ATF6: variants seen among roughly 807,000 people sequenced by gnomAD.
ATF6 encodes the protein activating transcription factor 6, also known as cyclic AMP-dependent transcription factor ATF-6 alpha.
A neutral mutation model predicts 83.6 loss-of-function variants in ATF6; 53 were observed. The ratio of observed to expected loss-of-function variants is 0.63; its 90% CI spans 0.51 to 0.80. The LOEUF (loss-of-function observed/expected upper bound fraction) is 0.80. Among genes scored for constraint, ATF6 ranks in the 30% least tolerant of loss-of-function variants. ATF6 has a pLI of 0.00. For synonymous variants in ATF6, 288 were observed against 285.8 expected (o/e 1.01, Z -0.08); for missense variants, 744 against 797.9 (o/e 0.93, Z 0.81).
intron 14 of ATF6, among the ~76,000 whole-genome samples, chr1:161,901,989 T>A (rs1687795654): frequency 6.6e-6 from 1 of 152,192 alleles, no homozygotes; most frequent in Non-Finnish European, 1.5e-5. Context: ...ATCACATTCA[T>A]TAATATCACC....
intron 2 of ATF6, among the ~76,000 whole-genome samples, chr1:161,780,783 C>T (rs1023185817): frequency 2.0e-5 from 3 of 152,140 alleles, no homozygotes; most frequent in Admixed American, 6.5e-5. Flanking sequence ...GATCTTGGCT[C>T]ATTGCAGCCT....
intron 8 of ATF6, 68 bp downstream of exon 8, chr1:161,819,886 C>T: frequency 7.6e-7 from 1 of 1,319,896 alleles, no homozygotes. Flanking sequence ...AATAGAGAAA[C>T]TTTTACATTT....
intron 9 of ATF6, among the ~76,000 whole-genome samples, chr1:161,826,388 A>G (rs1230196376): frequency 3.9e-5 from 6 of 152,200 alleles, no homozygotes; most frequent in Non-Finnish European, 8.8e-5. Context: ...TCTCATTTCC[A>G]TGGTAGATTG....
At chr1:161,878,115 C>T (rs1232111880) in intron 14 of ATF6, among the ~76,000 whole-genome samples, 1 of 151,876 alleles carries the variant, frequency 6.6e-6, no homozygotes, top group Non-Finnish European at 1.5e-5. Context: ...AGCTCATACA[C>T]ATTTATTTAT....
chr1:161,881,640 T>C (rs1039945531), intron 14 of ATF6, among the ~76,000 whole-genome samples: 2 of 152,178 alleles, frequency 1.3e-5, no homozygotes, highest in Admixed American at 6.6e-5. Flanking sequence ...TTCAGCAATC[T>C]GGAAGCTTTG....
At position 161,782,083 on chromosome 1, in the gene ATF6, A is replaced by G. The variant is rs144808590; in HGVS notation, c.247+84A>G. 3.4e-5 allele frequency: 31 copies of G among 901,022 alleles called. No homozygotes were observed. The East Asian group carries it at 5.2e-4, about 15-fold the overall frequency. 55.8% of individuals were successfully genotyped at this position (901,022 alleles called of 1,614,324 possible). ...GTCATACTCAAAATTAGGTGGGGTT[A>G]TTGGGCTATTCTGGTAGGTTAAAAG... On this transcript the variant is annotated intron_variant, in intron 3 of 15. Transcript: ENST00000367942.
At chr1:161,833,655 A>G (rs529805075) in intron 9 of ATF6, among the ~76,000 whole-genome samples, 5 of 152,356 alleles carry the variant, frequency 3.3e-5, no homozygotes, top group Admixed American at 6.5e-5. Flanking sequence ...AAAGGGTATC[A>G]GCGATGGAAG....
chr1:161,861,388 CA>C (rs1412910782), intron 13 of ATF6, among the ~76,000 whole-genome samples: 3 of 152,130 alleles, frequency 2.0e-5, no homozygotes, highest in Non-Finnish European at 4.4e-5. Context: ...TGACAATGAG[CA>C]GCATATCAGC....
intron 9 of ATF6, among the ~76,000 whole-genome samples, chr1:161,825,319 G>T (rs1374934292): frequency 1.1e-4 from 17 of 152,178 alleles, no homozygotes; most frequent in Admixed American, 1.1e-3. Context: ...TGGGATTACA[G>T]GTGTGAGCCA....
intron 14 of ATF6, among the ~76,000 whole-genome samples, chr1:161,875,901 T>G (rs149747648): frequency 2.2e-4 from 34 of 152,056 alleles, no homozygotes; most frequent in African/African-American, 7.7e-4. Flanking sequence ...TTAATAACTT[T>G]TATTGCTTCA....
chr1:161,956,646 C>T (rs929676173), intron 15 of ATF6, among the ~76,000 whole-genome samples: 2 of 152,172 alleles, frequency 1.3e-5, no homozygotes, highest in African/African-American at 4.8e-5. Flanking sequence ...AGCTGTTCTT[C>T]CTCCCTGCTG....
At chr1:161,882,668 A>T (rs1015747961) in intron 14 of ATF6, among the ~76,000 whole-genome samples, 6 of 150,742 alleles carry the variant, frequency 4.0e-5, no homozygotes, top group African/African-American at 1.5e-4. Context: ...ATTACTTTTT[A>T]GTTTCGTGGA....
intron 7 of ATF6, among the ~76,000 whole-genome samples, chr1:161,812,587 T>G (rs1685501765): frequency 6.6e-6 from 1 of 151,702 alleles, no homozygotes; most frequent in African/African-American, 2.4e-5. Context: ...GAGACGGGGT[T>G]TCACCGTTTT....
intron 9 of ATF6, among the ~76,000 whole-genome samples, chr1:161,834,022 C>G (rs1404854992): frequency 6.6e-6 from 1 of 152,170 alleles, no homozygotes; most frequent in Non-Finnish European, 1.5e-5. Flanking sequence ...TTGGGTTACC[C>G]ACAAAGGGAA....
At chr1:161,787,023 A>C (rs1684762259) in intron 4 of ATF6, among the ~76,000 whole-genome samples, 1 of 152,104 alleles carries the variant, frequency 6.6e-6, no homozygotes, top group Non-Finnish European at 1.5e-5. Flanking sequence ...GGTTTGTCTG[A>C]TGTTTCTTTA....
chr1:161,871,135 T>A (rs961928688), intron 14 of ATF6, among the ~76,000 whole-genome samples: 42 of 151,732 alleles, frequency 2.8e-4, no homozygotes, highest in Non-Finnish European at 1.0e-4. Context: ...ATTTTTTATG[T>A]CCTACTCTTC....
At chr1:161,774,082 A>G (rs1243998276) in intron 1 of ATF6, among the ~76,000 whole-genome samples, 3 of 152,172 alleles carry the variant, frequency 2.0e-5, no homozygotes, top group Non-Finnish European at 4.4e-5. Flanking sequence ...ACACTTCACC[A>G]TGTATTTCCT....
At chr1:161,833,932 G>A (rs1201835724) in intron 9 of ATF6, among the ~76,000 whole-genome samples, 1 of 152,164 alleles carries the variant, frequency 6.6e-6, no homozygotes, top group African/African-American at 2.4e-5. Context: ...CTCGAGAAGA[G>A]CAACTCCAAG....
chr1:161,830,909 C>G (rs1387637771), intron 9 of ATF6, among the ~76,000 whole-genome samples: 1 of 152,230 alleles, frequency 6.6e-6, no homozygotes, highest in African/African-American at 2.4e-5. Context: ...ATGTCTAAAA[C>G]ACCAAAAGCA....
Sources: gnomAD v4.1 joint callset for allele counts (sites outside exome capture counted in the v4.1 genomes callset) on GRCh38, gnomAD v4.1.1 for gene constraint, MANE v1.5 for transcripts, NCBI Gene and HGNC (gene_info 2026-07-23, HGNC 2026-07-21) for gene names.